MARCHF1: variants seen among roughly 807,000 people sequenced by gnomAD.
MARCHF1 encodes the protein E3 ubiquitin-protein ligase MARCHF1.
In MARCHF1, 40 loss-of-function variants were observed where a neutral mutation model predicts 54.2. The ratio of observed to expected loss-of-function variants is 0.74; its 90% CI spans 0.57 to 0.96. The LOEUF (loss-of-function observed/expected upper bound fraction) is 0.96. Among genes scored for constraint, MARCHF1 ranks in the 40% least tolerant of loss-of-function variants. The pLI, the probability that MARCHF1 is intolerant of heterozygous loss-of-function variation, is 0.00. For synonymous variants in MARCHF1, 236 were observed against 236.3 expected, an observed-to-expected ratio of 1.00 and a Z score of 0.01; for missense variants, 586 against 656.5, an observed-to-expected ratio of 0.89 and a Z score of 1.17.
intron 1 of MARCHF1, among the ~76,000 whole-genome samples, chr4:164,172,270 G>A (rs1345362730): frequency 2.0e-5 from 3 of 152,128 alleles, no homozygotes; most frequent in African/African-American, 7.2e-5. Context: ...TCTTGTTTAT[G>A]AGATTATAAT....
At chr4:163,858,662 T>C (rs113161580) in intron 3 of MARCHF1, among the ~76,000 whole-genome samples, 1 of 152,202 alleles carries the variant, frequency 6.6e-6, no homozygotes, top group Non-Finnish European at 1.5e-5. Context: ...AAGGAACAAC[T>C]TGCAATTAGA....
intron 4 of MARCHF1, among the ~76,000 whole-genome samples, chr4:163,729,223 G>T (rs1396113485): frequency 2.6e-5 from 4 of 152,024 alleles, no homozygotes; most frequent in African/African-American, 4.8e-5. Flanking sequence ...AACAAAAAAA[G>T]AAAATGCCTT....
chr4:164,219,750 T>TCTTAAAA (rs1394065115), intron 1 of MARCHF1, among the ~76,000 whole-genome samples: 1 of 152,000 alleles, frequency 6.6e-6, no homozygotes. Flanking sequence ...GGATCAGCTC[T>TCTTAAAA]CTTAAAACTT....
intron 4 of MARCHF1, among the ~76,000 whole-genome samples, chr4:163,721,163 G>C (rs1252529680): frequency 6.6e-6 from 1 of 152,142 alleles, no homozygotes; most frequent in Non-Finnish European, 1.5e-5. Context: ...CTGGCTGCGT[G>C]TTTGTCATAA....
chr4:163,683,068 C>G (rs1383959296), intron 5 of MARCHF1, among the ~76,000 whole-genome samples: 2 of 152,222 alleles, frequency 1.3e-5, no homozygotes, highest in Non-Finnish European at 2.9e-5. Flanking sequence ...GGTGCCTTTT[C>G]TACTTTGCAT....
chr4:164,188,375 G>C, intron 1 of MARCHF1: 1 of 487,488 alleles, frequency 2.1e-6, no homozygotes, highest in South Asian at 2.1e-5. Flanking sequence ...TGCCCGACTG[G>C]CTGGCAAGAT....
rs183360546 is a variant in MARCHF1, at chr4:163,821,019, G to A, written c.111+33002C>T. Among the ~76,000 whole-genome samples, 12 of 152,120 alleles carry A rather than the reference G, an allele frequency of 7.9e-5. No individual in the cohort carries two copies. The East Asian group carries it at 9.7e-4, about 12-fold the overall frequency. On this transcript the variant is annotated intron_variant, in intron 4 of 9. Coordinates refer to ENST00000514618, the MANE Select transcript of MARCHF1 (RefSeq NM_001394959.1). The stretch of plus-strand genomic sequence containing the variant: ...TTGTTAACTTCCTCTACACTGTCCC[G>A]CATGGTCCTGGCTCCACCTCTCTAA...
chr4:164,197,610 G>C, intron 1 of MARCHF1: 1 of 1,613,026 alleles, frequency 6.2e-7, no homozygotes, highest in Non-Finnish European at 8.5e-7. Flanking sequence ...TGAGGGCTTC[G>C]AGTTTGCCTT....
intron 4 of MARCHF1, among the ~76,000 whole-genome samples, chr4:163,739,824 A>C (rs1289979687): frequency 1.3e-5 from 2 of 152,164 alleles, no homozygotes; most frequent in African/African-American, 4.8e-5. Flanking sequence ...AACAATCATC[A>C]CTTTAGAACT....
intron 1 of MARCHF1, among the ~76,000 whole-genome samples, chr4:164,295,463 C>A (rs914349900): frequency 6.6e-6 from 1 of 152,012 alleles, no homozygotes; most frequent in African/African-American, 2.4e-5. Flanking sequence ...CACACACACA[C>A]ACACAACATA....
At chr4:164,275,795 T>C (rs1221565635) in intron 1 of MARCHF1, among the ~76,000 whole-genome samples, 19 of 152,192 alleles carry the variant, frequency 1.2e-4, no homozygotes, top group Admixed American at 1.2e-3. Context: ...GTTAAAAATA[T>C]GTTAGTTGAT....
At chr4:164,079,814 T>A (rs144914150) in intron 2 of MARCHF1, among the ~76,000 whole-genome samples, 1,881 of 152,310 alleles carry the variant, frequency 0.012, 38 homozygotes, top group African/African-American at 0.043. Context: ...GACGTAGTTA[T>A]TTGCATTTTA....
intron 4 of MARCHF1, among the ~76,000 whole-genome samples, chr4:163,747,638 C>A (rs1746400012): frequency 6.6e-6 from 1 of 152,072 alleles, no homozygotes; most frequent in Non-Finnish European, 1.5e-5. Context: ...ACAAGAGGAC[C>A]AAATTGAACT....
intron 1 of MARCHF1, among the ~76,000 whole-genome samples, chr4:164,357,299 A>G (rs1730586919): frequency 6.6e-6 from 1 of 151,984 alleles, no homozygotes; most frequent in African/African-American, 2.4e-5. Context: ...TCTAGCGGCC[A>G]CTTAGATTTC....
intron 1 of MARCHF1, among the ~76,000 whole-genome samples, chr4:164,374,745 T>C (rs1731136930): frequency 6.6e-6 from 1 of 152,142 alleles, no homozygotes; most frequent in Non-Finnish European, 1.5e-5. Context: ...AGAATCTTTC[T>C]TTCATGTAGT....
intron 2 of MARCHF1, among the ~76,000 whole-genome samples, chr4:164,083,491 ATT>A (rs1008084869): frequency 6.6e-6 from 1 of 151,680 alleles, no homozygotes; most frequent in African/African-American, 2.4e-5. Flanking sequence ...CTTGGTCCCA[ATT>A]TTTTTTTCCA....
At position 163,787,422 on chromosome 4, in the gene MARCHF1, A is replaced by G. The variant is rs79056783; in HGVS notation, c.111+66599T>C. ...TAAAAAATTGGCAAAGGATCTGAAT[A>G]GACATCTCTTCAGAGAAGACATACA... is the stretch of plus-strand genomic sequence containing the variant. On this transcript the variant is annotated intron_variant, in intron 4 of 9. Coordinates refer to ENST00000514618, the MANE Select transcript of MARCHF1 (RefSeq NM_001394959.1). 7.2e-3 allele frequency among the ~76,000 whole-genome samples: 1,091 copies of G among 152,062 alleles called. 7 individuals are homozygous for G. Among genetic ancestry groups the G allele is most frequent in the South Asian group, 0.03 (145 of 4,822 alleles).
chr4:163,593,430 G>A (rs546553560), intron 7 of MARCHF1, among the ~76,000 whole-genome samples: 1 of 152,156 alleles, frequency 6.6e-6, no homozygotes, highest in East Asian at 1.9e-4. Context: ...TATAATCAAA[G>A]AAATATATAT....
chr4:163,879,162 G>A (rs908908576), intron 3 of MARCHF1, among the ~76,000 whole-genome samples: 2 of 152,180 alleles, frequency 1.3e-5, no homozygotes, highest in Non-Finnish European at 1.5e-5. Flanking sequence ...AAGATTTTGT[G>A]TAACTTGCAT....
Sources: allele counts gnomAD v4.1 joint callset (sites outside exome capture counted in the v4.1 genomes callset), GRCh38; gene constraint gnomAD v4.1.1; transcripts MANE v1.5; gene names NCBI Gene and HGNC (gene_info 2026-07-23, HGNC 2026-07-21).